LGR6: variants seen among roughly 807,000 people sequenced by gnomAD.
The protein encoded by LGR6 is leucine-rich repeat-containing G protein-coupled receptor 6.
A neutral mutation model predicts 69.4 loss-of-function variants in LGR6; 45 were observed. The ratio of observed to expected loss-of-function variants is 0.65; its 90% CI spans 0.51 to 0.83. The LOEUF is 0.83. LGR6 is among the 40% of genes least tolerant of loss of function. The probability of loss-of-function intolerance (pLI) is 0.00; values close to 1 mark genes in which losing one functional copy is unlikely to be tolerated. For synonymous variants in LGR6, 538 were observed against 555.0 expected, an observed-to-expected ratio of 0.97 and a Z score of 0.43; for missense variants, 1,108 against 1,246.7, an observed-to-expected ratio of 0.89 and a Z score of 1.68.
intron 4 of LGR6, among the ~76,000 whole-genome samples, chr1:202,245,984 A>G (rs1276704513): frequency 7.8e-6 from 1 of 128,432 alleles, no homozygotes; most frequent in Non-Finnish European, 1.6e-5. Context: ...CCCTTCATCT[A>G]TCCATTCATC....
intron 3 of LGR6, among the ~76,000 whole-genome samples, chr1:202,234,900 A>C (rs1254547111): frequency 1.3e-5 from 2 of 152,094 alleles, no homozygotes; most frequent in Non-Finnish European, 2.9e-5. Flanking sequence ...GGGCTCACTC[A>C]CTGTGCCCAG....
intron 3 of LGR6, 59 bp from the exon 4 acceptor site, chr1:202,235,863 C>T (rs1661499347): frequency 2.0e-6 from 3 of 1,499,702 alleles, no homozygotes; most frequent in Admixed American, 3.3e-5. Context: ...GGAGTCAGCA[C>T]CCTCCAGCCA....
intron 3 of LGR6, among the ~76,000 whole-genome samples, chr1:202,234,626 G>C (rs764556258): frequency 6.6e-6 from 1 of 152,176 alleles, no homozygotes; most frequent in Non-Finnish European, 1.5e-5. Context: ...GCCTAGCTCT[G>C]TCAGTTAGCA....
Position 202,314,792 on chromosome 1 carries a change from CTCCTT to C in LGR6, c.1568-7_1568-3del. The C allele has an allele frequency of 4.3e-6, 7 of 1,611,170 alleles. No individual in the cohort carries two copies. The highest frequency in any genetic ancestry group is 5.9e-6 in the Non-Finnish European group (7 of 1,177,346). The stretch of plus-strand genomic sequence containing the variant: ...CCCAGGACCCTGCATCACTTTGTCT[CTCCTT>C]TCAGATGACCAGGACCTGGATGAGC... On this transcript the variant is annotated splice_region_variant and splice_polypyrimidine_tract_variant and intron_variant, in intron 16 of 17. Transcript: ENST00000367278.
At chr1:202,260,795 A>T (rs1664168981) in intron 4 of LGR6, among the ~76,000 whole-genome samples, 1 of 152,208 alleles carries the variant, frequency 6.6e-6, no homozygotes, top group African/African-American at 2.4e-5. Flanking sequence ...TGTGGCCAAT[A>T]TAAAATTATT....
chr1:202,230,733 C>T (rs942295206), intron 3 of LGR6, among the ~76,000 whole-genome samples: 5 of 152,234 alleles, frequency 3.3e-5, no homozygotes, highest in African/African-American at 1.2e-4. Context: ...CAGAGCTGGC[C>T]TCCCAGAGAG....
rs760997665 is a variant in LGR6 at position 202,198,667 on chromosome 1, GGTTTTTTTTTT to G, written c.212+4467_212+4477del. ...TCTACTGGGAACCAGAGTAATTTTA[GGTTTTTTTTTT>G]TTTTTTTTTTTTTTTTTTAAGAGTA... On this transcript the variant is annotated intron_variant, in intron 1 of 17. Coordinates refer to ENST00000367278, the MANE Select transcript of LGR6 (RefSeq NM_001017403.2). Among the ~76,000 whole-genome samples the G allele has an allele frequency of 1.0e-3, 89 of 88,022 alleles. 2 individuals are homozygous for G. The highest frequency in any genetic ancestry group is 3.8e-3 in the South Asian group (8 of 2,118). 57.7% of individuals were successfully genotyped at this position (88,022 alleles called of 152,430 possible).
intron 4 of LGR6, among the ~76,000 whole-genome samples, chr1:202,260,860 A>G (rs1333460198): frequency 1.3e-5 from 2 of 152,138 alleles, no homozygotes; most frequent in South Asian, 2.1e-4. Flanking sequence ...TTTCCCCCTG[A>G]CATGCAGTGT....
chr1:202,222,283 C>A (rs1660211622), intron 1 of LGR6, among the ~76,000 whole-genome samples: 1 of 152,338 alleles, frequency 6.6e-6, no homozygotes, highest in Non-Finnish European at 1.5e-5. Flanking sequence ...ACCCCACCCC[C>A]TTTACTGAGC....
chr1:202,196,563 T>A (rs1658648903), intron 1 of LGR6, among the ~76,000 whole-genome samples: 1 of 152,230 alleles, frequency 6.6e-6, no homozygotes, highest in Non-Finnish European at 1.5e-5. Context: ...CTACTGAGAA[T>A]CACTCACTGA....
chr1:202,237,037 C>A (rs1053976509), intron 4 of LGR6, among the ~76,000 whole-genome samples: 6 of 152,112 alleles, frequency 3.9e-5, no homozygotes, highest in African/African-American at 1.2e-4. Flanking sequence ...TGTGCCACAC[C>A]CCCCGTGGTG....
At chr1:202,218,364 C>T in intron 1 of LGR6, among the ~76,000 whole-genome samples, 1 of 152,090 alleles carries the variant, frequency 6.6e-6, no homozygotes, top group East Asian at 1.9e-4. Context: ...AGTGGTACTA[C>T]CCTAGCTCAC....
chr1:202,307,830 A>G (rs965128182), intron 14 of LGR6, among the ~76,000 whole-genome samples: 1 of 152,200 alleles, frequency 6.6e-6, no homozygotes, highest in Non-Finnish European at 1.5e-5. Context: ...TCTGTGAGGC[A>G]GCAGGGGACC....
intron 1 of LGR6, among the ~76,000 whole-genome samples, chr1:202,208,061 C>T (rs538940862): frequency 5.3e-5 from 8 of 152,330 alleles, no homozygotes; most frequent in African/African-American, 1.2e-4. Flanking sequence ...TCCAATCTCC[C>T]ACCCTCCTGC....
rs528807956 is a variant in LGR6 at position 202,259,835 on chromosome 1, G to A, written c.429-16471G>A. Among the ~76,000 whole-genome samples, 7 of 152,192 alleles carry A rather than the reference G, an allele frequency of 4.6e-5. No individual in the cohort carries two copies. In the South Asian group the frequency reaches 1.4e-3, roughly 32 times the overall value. On this transcript the variant is annotated intron_variant, in intron 4 of 17. Transcript: ENST00000367278. ...TGCCTGAGTTCCCTCTCTTTGTCCT[G>A]CAGCCTGGACACCCTCTCCAGGCAA...
chr1:202,240,347 C>T (rs1662075636), intron 4 of LGR6, among the ~76,000 whole-genome samples: 1 of 145,698 alleles, frequency 6.9e-6, no homozygotes, highest in Non-Finnish European at 1.5e-5. Flanking sequence ...GTACTCCAGT[C>T]TGGGCAACAG....
chr1:202,227,635 C>G (rs1046622950), intron 2 of LGR6, among the ~76,000 whole-genome samples: 8 of 152,126 alleles, frequency 5.3e-5, no homozygotes, highest in Non-Finnish European at 1.0e-4. Flanking sequence ...TCAAATTAGT[C>G]AGGTCTGGGT....
At chr1:202,208,175 A>C (rs1659327000) in intron 1 of LGR6, among the ~76,000 whole-genome samples, 1 of 151,882 alleles carries the variant, frequency 6.6e-6, no homozygotes, top group South Asian at 2.1e-4. Flanking sequence ...AACCCTCCTG[A>C]CTCCAGCAAC....
intron 4 of LGR6, among the ~76,000 whole-genome samples, chr1:202,243,366 TG>T (rs1441710382): frequency 6.6e-6 from 1 of 152,102 alleles, no homozygotes; most frequent in African/African-American, 2.4e-5. Context: ...GTGAACACTG[TG>T]GTATCAGCAT....
Sources: gnomAD v4.1 joint callset for allele counts (sites outside exome capture counted in the v4.1 genomes callset) on GRCh38, gnomAD v4.1.1 for gene constraint, MANE v1.5 for transcripts, NCBI Gene and HGNC (gene_info 2026-07-23, HGNC 2026-07-21) for gene names.